GRN: variants seen among roughly 807,000 people sequenced by gnomAD.
GRN encodes the protein granulin precursor, also known as progranulin.
In GRN, 30 loss-of-function variants were observed where a neutral mutation model predicts 66.7. That is an observed-to-expected ratio of 0.45 (90% CI 0.34 to 0.61). GRN has a LOEUF of 0.61. GRN is among the 20% of genes least tolerant of loss of function. The pLI is 0.01. For synonymous variants in GRN, 327 were observed against 311.1 expected, an observed-to-expected ratio of 1.05 and a Z score of -0.54; for missense variants, 731 against 803.5, an observed-to-expected ratio of 0.91 and a Z score of 1.09.
intron 1 of GRN, 67 bp from the exon 2 acceptor site, chr17:44,349,091 G>C (rs753524855): frequency 2.8e-4 from 437 of 1,547,148 alleles, no homozygotes; most frequent in Non-Finnish European, 3.7e-4. Context: ...CTAGGGTACT[G>C]AGTGACCCTA....
At position 44,349,266 on chromosome 17, in the gene GRN, C is replaced by T. The variant is rs63751074; in HGVS notation, c.102C>T (p.Pro34=). ...GCCCTGTGGCCTGCTGCCTGGACCC[C>T]GGAGGAGCCAGCTACAGCTGCTGCC... ...QFCPVACCLD[P]GGASYSCCRP... is the part of the protein sequence containing the mutation. The change falls in exon 2 of 13, where the codon CCC becomes CCT. Residue 34 remains proline, a synonymous_variant. Transcript: ENST00000053867. The T allele has an allele frequency of 2.8e-5, 45 of 1,613,862 alleles. No homozygotes were observed. The highest frequency in any genetic ancestry group is 1.6e-4 in the Middle Eastern group (1 of 6,084).
chr17:44,346,516 G>A (rs561522948), intron 1 of GRN, among the ~76,000 whole-genome samples: 14 of 152,272 alleles, frequency 9.2e-5, no homozygotes, highest in African/African-American at 3.4e-4. Context: ...TAGGACCCAA[G>A]TGCGATTTTC....
Position 44,349,654 on chromosome 17 carries a change from CTG to C in GRN, c.265-9_265-8del, listed in dbSNP as rs1473829735. 1 of 1,612,952 alleles carries C rather than the reference CTG, an allele frequency of 6.2e-7. No individual in the cohort carries two copies. Among genetic ancestry groups the C allele is most frequent in the Non-Finnish European group, 8.5e-7 (1 of 1,178,958 alleles). Reference sequence around the variant, plus strand: ...AAGGGCCCTGCCAATGCAGGTTTCTCTGTGTTCCACAGGCCGTGGCATGCGGG... The same window carrying C: ...AAGGGCCCTGCCAATGCAGGTTTCTCTGTTCCACAGGCCGTGGCATGCGGG... On this transcript the variant is annotated splice_polypyrimidine_tract_variant and intron_variant, in intron 3 of 12. Transcript: ENST00000053867.
At chr17:44,349,105 T>C (rs1041291820) in intron 1 of GRN, 53 bp from the exon 2 acceptor site, 1 of 1,603,236 alleles carries the variant, frequency 6.2e-7, no homozygotes, top group Non-Finnish European at 8.5e-7. Context: ...GACCCTAGAA[T>C]CAAGGGTGGC....
At chr17:44,350,834 GC>G in intron 7 of GRN, 34 bp downstream of exon 7, 3 of 1,544,048 alleles carry the variant, frequency 1.9e-6, no homozygotes, top group Non-Finnish European at 9.0e-7. Flanking sequence ...TTGGCTGTGT[GC>G]CCCCAGCCAC....
chr17:44,351,170 G>C lies in GRN; in HGVS notation c.835+7G>C. 10 of 1,614,126 alleles carry C rather than the reference G, an allele frequency of 6.2e-6. No individual in the cohort carries two copies. The highest frequency in any genetic ancestry group is 8.5e-6 in the Non-Finnish European group (10 of 1,179,982). On this transcript the variant is annotated splice_region_variant and intron_variant, in intron 8 of 12. Coordinates refer to ENST00000053867, the MANE Select transcript of GRN (RefSeq NM_002087.4). ...AAGCTGCCTGCGCACACAGGTACCA[G>C]AGGCAGGGTGCAGATACAGGGGTGG... is the stretch of plus-strand genomic sequence containing the variant.
chr17:44,352,481 C>T lies in GRN; in HGVS notation c.1554C>T (p.Asp518=), dbSNP rs189075184. 25 of 1,614,072 alleles carry T rather than the reference C, an allele frequency of 1.5e-5. No individual in the cohort carries two copies. The highest frequency in any genetic ancestry group is 1.9e-5 in the Non-Finnish European group (23 of 1,179,954). ...LARSPHVGVK[D]VECGEGHFCH... is the part of the protein sequence containing the mutation. ...GTAGCCCTCACGTGGGTGTGAAGGA[C>T]GTGGAGTGTGGGGAAGGACACTTCT... The change falls in exon 12 of 13, where the codon GAC becomes GAT. Residue 518 remains aspartate (D), a synonymous_variant. Coordinates refer to ENST00000053867, the MANE Select transcript of GRN (RefSeq NM_002087.4).
At position 44,350,340 on chromosome 17, in the gene GRN, G is replaced by A; in HGVS notation, c.462G>A (p.Gln154=). The change falls in exon 5 of 13, where the codon CAG becomes CAA. Residue 154 remains glutamine, a splice_region_variant and synonymous_variant. Coordinates refer to ENST00000053867, the MANE Select transcript of GRN (RefSeq NM_002087.4). Reference sequence around the variant, plus strand: ...CCTGGGGGTGCTGCCCCATGCCCCAGGTACAAATCTGGGGGAGATGGGGGT... The same window carrying A: ...CCTGGGGGTGCTGCCCCATGCCCCAAGTACAAATCTGGGGGAGATGGGGGT... ...DGSWGCCPMP[Q]ASCCEDRVHC... is the part of the protein sequence containing the mutation. 1 of 1,612,906 alleles carries A rather than the reference G, an allele frequency of 6.2e-7. No homozygotes were observed.
chr17:44,346,806 A>G (rs147997011), intron 1 of GRN, among the ~76,000 whole-genome samples: 1,655 of 152,276 alleles, frequency 0.011, 23 homozygotes, highest in Middle Eastern at 0.02. Context: ...TAGATTACTT[A>G]TACCTAATAC....
rs1270654912 is a variant in GRN at position 44,352,419 on chromosome 17, G to T, written c.1492G>T (p.Glu498Ter). The T allele has an allele frequency of 1.2e-6, 2 of 1,613,996 alleles. No homozygotes were observed. Among genetic ancestry groups the T allele is most frequent in the Non-Finnish European group, 1.7e-6 (2 of 1,180,042 alleles). ...CGTGAAGGCTCGATCCTGCGAGAAG[G>T]AAGTGGTCTCTGCCCAGCCTGCCAC... ...CNVKARSCEK[E>*]VVSAQPATFL... The change falls in exon 12 of 13, where the codon GAA (glutamate) becomes TAA (stop). Residue 498 changes from glutamate to a stop codon, truncating the protein, a stop_gained. Transcript: ENST00000053867. LOFTEE classifies it high-confidence loss of function.
Position 44,350,548 on chromosome 17 carries a change from AGCTCCCT to A in GRN, c.572_578del (p.Leu191ProfsTer63). ...ACGGGCACCCACCCCCTGGCAAAGAAGCTCCCTGCCCAGAGGACTAACAGGGCAGGTG... is the reference window on the plus strand; with the variant it reads ...ACGGGCACCCACCCCCTGGCAAAGAAGCCCAGAGGACTAACAGGGCAGGTG... On this transcript the variant is annotated frameshift_variant, in exon 6 of 13. Transcript: ENST00000053867. LOFTEE classifies it high-confidence loss of function. 6.2e-7 allele frequency: 1 copy of A among 1,613,940 alleles called. No individual in the cohort carries two copies. Among genetic ancestry groups the A allele is most frequent in the Non-Finnish European group, 8.5e-7 (1 of 1,179,944 alleles).
chr17:44,350,513 C>T lies in GRN; in HGVS notation c.534C>T (p.Cys178=). Residue 178 remains cysteine (C), a synonymous_variant, in exon 6 of 13, where the codon TGC becomes TGT. Transcript: ENST00000053867. The part of the protein sequence containing the change: ...GAFCDLVHTR[C]ITPTGTHPLA... ...TCTGCGACCTGGTTCACACCCGCTG[C>T]ATCACACCCACGGGCACCCACCCCC... The T allele has an allele frequency of 6.2e-7, 1 of 1,613,980 alleles. No homozygotes were observed. The highest frequency in any genetic ancestry group is 8.5e-7 in the Non-Finnish European group (1 of 1,179,912).
At chr17:44,347,431 G>C (rs1302053059) in intron 1 of GRN, among the ~76,000 whole-genome samples, 1 of 151,916 alleles carries the variant, frequency 6.6e-6, no homozygotes, top group African/African-American at 2.4e-5. Flanking sequence ...TGGGATTGCA[G>C]GTGTGCGCTA....
chr17:44,349,133 C>A, intron 1 of GRN, 25 bp from the exon 2 acceptor site: 1 of 1,613,424 alleles, frequency 6.2e-7, no homozygotes, highest in Non-Finnish European at 8.5e-7. Context: ...TAAGCAGTTG[C>A]CAGACGTTCC....
chr17:44,350,615 CG>C (rs1234388520), intron 6 of GRN, 38 bp downstream of exon 6: 1 of 1,612,216 alleles, frequency 6.2e-7, no homozygotes, highest in Non-Finnish European at 8.5e-7. Context: ...GGGGCTGGGG[CG>C]GGGCCTCATT....
At position 44,349,263 on chromosome 17, in the gene GRN, C is replaced by A. The variant is rs63750742; in HGVS notation, c.99C>A (p.Asp33Glu). ...TCTGCCCTGTGGCCTGCTGCCTGGA[C>A]CCCGGAGGAGCCAGCTACAGCTGCT... Reference protein sequence around the residue: ...GQFCPVACCLDPGGASYSCCR... With the variant: ...GQFCPVACCLEPGGASYSCCR... The change falls in exon 2 of 13, where the codon GAC (aspartate) becomes GAA (glutamate). Residue 33 changes from aspartate to glutamate, a missense_variant. Asp to Glu is a conservative substitution (Grantham distance 45). Coordinates refer to ENST00000053867, the MANE Select transcript of GRN (RefSeq NM_002087.4). The A allele has an allele frequency of 6.3e-5, 101 of 1,613,850 alleles. 1 individual carries two copies. Among genetic ancestry groups the A allele is most frequent in the Middle Eastern group, 1.6e-4 (1 of 6,084 alleles).
chr17:44,349,913 C>T (rs925376250), intron 4 of GRN, 162 bp downstream of exon 4: 11 of 659,862 alleles, frequency 1.7e-5, no homozygotes, highest in Non-Finnish European at 2.5e-5. Context: ...AGGGGCAGCA[C>T]TGGGGATAGG....
chr17:44,352,854 G>A lies in GRN; in HGVS notation c.*56G>A. On this transcript the variant is annotated 3_prime_UTR_variant, in exon 13 of 13. Transcript: ENST00000053867. ...GGACCCCACTCGGAGGGTGCCCTCT[G>A]CTCAGGCCTCCCTAGCACCTCCCCC... 6.4e-7 allele frequency: 1 copy of A among 1,564,852 alleles called. No individual in the cohort carries two copies. The highest frequency in any genetic ancestry group is 8.7e-7 in the Non-Finnish European group (1 of 1,146,614).
Position 44,351,727 on chromosome 17 carries a change from AGC to A in GRN, c.1112_1113del (p.Ser371MetfsTer42), listed in dbSNP as rs1163193342. 6.2e-7 allele frequency: 1 copy of A among 1,613,776 alleles called. No individual in the cohort carries two copies. The highest frequency in any genetic ancestry group is 8.5e-7 in the Non-Finnish European group (1 of 1,179,976). On this transcript the variant is annotated frameshift_variant, in exon 10 of 13. Transcript: ENST00000053867. LOFTEE classifies it high-confidence loss of function. ...AGATGTCCCCTGTGATAATGTCAGC[AGC>A]TGTCCCTCCTCCGATACCTGCTGCC... is the stretch of plus-strand genomic sequence containing the variant. Reference protein sequence around the residue: ...KRDVPCDNVSSCPSSDTCCQL... With the variant: ...KRDVPCDNVSXCPSSDTCCQL...
Sources: allele counts gnomAD v4.1 joint callset (sites outside exome capture counted in the v4.1 genomes callset), GRCh38; gene constraint gnomAD v4.1.1; transcripts MANE v1.5; gene names NCBI Gene and HGNC (gene_info 2026-07-23, HGNC 2026-07-21).